MAPK8IP2: variants seen among roughly 807,000 people sequenced by gnomAD.
MAPK8IP2 encodes C-Jun-amino-terminal kinase-interacting protein 2.
A neutral mutation model predicts 75.6 loss-of-function variants in MAPK8IP2; 15 were observed. The ratio of observed to expected loss-of-function variants is 0.20; its 90% CI spans 0.13 to 0.31. The LOEUF (loss-of-function observed/expected upper bound fraction) is 0.31. Among genes scored for constraint, MAPK8IP2 ranks in the 10% least tolerant of loss-of-function variants. The pLI is 1.00. For synonymous variants in MAPK8IP2, 632 were observed against 554.5 expected (o/e 1.14, Z -1.96); for missense variants, 1,089 against 1,211.2 (o/e 0.90, Z 1.50).
chr22:50,605,972 C>T (rs781666812), intron 8 of MAPK8IP2, 38 bp downstream of exon 8: 95 of 1,483,470 alleles, frequency 6.4e-5, no homozygotes, highest in South Asian at 6.0e-4. Flanking sequence ...GCTGAGGGTC[C>T]GCTTGGCGGC....
At chr22:50,606,307 C>T (rs1196420823) in intron 8 of MAPK8IP2, among the ~76,000 whole-genome samples, 2 of 127,812 alleles carry the variant, frequency 1.6e-5, no homozygotes, top group African/African-American at 5.5e-5. Flanking sequence ...TAGTGAGCAC[C>T]TGCCCAGGCA....
chr22:50,604,298 G>C lies in MAPK8IP2; in HGVS notation c.999G>C (p.Ser333=). The C allele has an allele frequency of 1.3e-6, 2 of 1,556,826 alleles. No individual in the cohort carries two copies. The highest frequency in any genetic ancestry group is 1.2e-5 in the South Asian group (1 of 85,772). ...GPDDTNSEYE[S]GSESEPDLSE... is the part of the protein sequence containing the mutation. ...ACGACACCAACAGCGAGTACGAGTC[G>C]GGGTCGGAGTCGGAGCCGGACCTCA... The change falls in exon 5 of 12, where the codon TCG becomes TCC. Residue 333 remains serine, a synonymous_variant. Coordinates refer to ENST00000329492, the MANE Select transcript of MAPK8IP2 (RefSeq NM_012324.6).
At position 50,603,456 on chromosome 22, in the gene MAPK8IP2, G is replaced by T. The variant is rs2070975486; in HGVS notation, c.405G>T (p.Lys135Asn). 1.3e-6 allele frequency: 2 copies of T among 1,568,298 alleles called. No individual in the cohort carries two copies. The highest frequency in any genetic ancestry group is 1.8e-5 in the Admixed American group (1 of 56,972). Reference protein sequence around the residue: ...IPSPSVEEPHKHRPTTLRLTT... With the variant: ...IPSPSVEEPHNHRPTTLRLTT... ...CCCCTTCCGTGGAGGAGCCCCACAAGCACCGGCCCACCACCCTCCGTCTGA... is the reference window on the plus strand; with the variant it reads ...CCCCTTCCGTGGAGGAGCCCCACAATCACCGGCCCACCACCCTCCGTCTGA... Residue 135 changes from lysine to asparagine, a missense_variant, in exon 3 of 12, where the codon AAG (lysine) becomes AAT (asparagine). This residue lies in a region of MAPK8IP2 where 960 missense variants were observed against 1,009.6 expected (regional missense o/e 0.95). Transcript: ENST00000329492.
In MAPK8IP2 at chr22:50,613,027, G is replaced by C. The variant is rs1400479514; in HGVS notation, c.*2248G>C. 1.3e-5 allele frequency: 2 copies of C among 152,528 alleles called. No individual in the cohort carries two copies. 9.4% of individuals were successfully genotyped at this position (152,528 alleles called of 1,614,324 possible). On this transcript the variant is annotated 3_prime_UTR_variant, in exon 12 of 12. Coordinates refer to ENST00000329492, the MANE Select transcript of MAPK8IP2 (RefSeq NM_012324.6). ...TCTGCAGCTCCTTCTCCAATCTCAT[G>C]GTCTTCTTGAGCTTGGCCGCCCTCC... is the stretch of plus-strand genomic sequence containing the variant.
rs2071187655 is a variant in MAPK8IP2 at position 50,613,940 on chromosome 22, C to T, written c.*3161C>T. ...GCCTCCAACTTCCGCCAATCTAGCC[C>T]AAGGATGGCGTTCTAAATAAAACGC... On this transcript the variant is annotated 3_prime_UTR_variant, in exon 12 of 12. Transcript: ENST00000329492. The T allele has an allele frequency of 6.6e-6, 1 of 152,242 alleles. No homozygotes were observed. Among genetic ancestry groups the T allele is most frequent in the African/African-American group, 2.4e-5 (1 of 41,464 alleles). The allele number at this position is 152,242 out of a possible 1,614,324, so 9.4% of individuals were successfully genotyped here.
chr22:50,603,052 A>G (rs563837413), intron 2 of MAPK8IP2, 171 bp from the exon 3 acceptor site: 14 of 1,409,840 alleles, frequency 9.9e-6, no homozygotes, highest in African/African-American at 1.4e-5. Context: ...GAGTGATCCC[A>G]ATGTGTGTTA....
rs1234537458 is a variant in MAPK8IP2, at chr22:50,611,706, T to G, written c.*927T>G. On this transcript the variant is annotated 3_prime_UTR_variant, in exon 12 of 12. Transcript: ENST00000329492. This position sits in a 1 kb window ranked among gnomAD's most constrained non-coding sequence, Gnocchi z 5.5. ...GCCGGGGGTCCCTGCGGTGCTGCTC[T>G]GGGGCCTTATCTGAGGTGCCGTATC... 2.6e-5 allele frequency: 4 copies of G among 152,252 alleles called. No homozygotes were observed. Among genetic ancestry groups the G allele is most frequent in the Non-Finnish European group, 5.9e-5 (4 of 68,104 alleles). 9.4% of individuals were successfully genotyped at this position (152,252 alleles called of 1,614,324 possible).
intron 5 of MAPK8IP2, 38 bp from the exon 6 acceptor site, chr22:50,605,330 C>T: frequency 6.3e-7 from 1 of 1,591,310 alleles, no homozygotes; most frequent in Non-Finnish European, 8.6e-7. Context: ...GACTCTGTCT[C>T]CCTGTCTCCC....
At chr22:50,606,159 C>G (rs1319078757) in intron 8 of MAPK8IP2, among the ~76,000 whole-genome samples, 2 of 152,224 alleles carry the variant, frequency 1.3e-5, no homozygotes, top group African/African-American at 4.8e-5. Context: ...CCCTCATCAC[C>G]TCTGGGTCTC....
chr22:50,602,198 G>A (rs1048976832), intron 2 of MAPK8IP2, among the ~76,000 whole-genome samples: 9 of 152,210 alleles, frequency 5.9e-5, no homozygotes, highest in Admixed American at 1.3e-4. Flanking sequence ...CTCCCAGAAA[G>A]ATCTAATCCC....
At chr22:50,608,047 C>T (rs952541567) in intron 10 of MAPK8IP2, among the ~76,000 whole-genome samples, 2 of 152,084 alleles carry the variant, frequency 1.3e-5, no homozygotes, top group African/African-American at 4.8e-5. Flanking sequence ...GAAGCAGGCT[C>T]ACAGACAGGC....
At chr22:50,606,798 G>C in intron 9 of MAPK8IP2, 33 bp downstream of exon 9, 1 of 1,583,208 alleles carries the variant, frequency 6.3e-7, no homozygotes, top group Non-Finnish European at 8.6e-7. Context: ...ACCGGGGACT[G>C]GGGGATAGGG....
chr22:50,603,325 G>A lies in MAPK8IP2; in HGVS notation c.274G>A (p.Asp92Asn), dbSNP rs778567253. 1.4e-5 allele frequency: 22 copies of A among 1,560,414 alleles called. No individual in the cohort carries two copies. The Admixed American group carries it at 1.5e-4, about 11-fold the overall frequency. The change falls in exon 3 of 12, where the codon GAT becomes AAT. Residue 92 changes from aspartate to asparagine, a missense_variant. By Grantham distance (23) the Asp-to-Asn change is conservative (BLOSUM62 1). Around this residue, in one of 2 missense-constraint regions of MAPK8IP2, gnomAD observed 960 missense variants for 1,009.6 expected, o/e 0.95. Transcript: ENST00000329492. ...EMIDDNEEED[D>N]EDEEEEEEEE... is the part of the protein sequence containing the mutation. Reference sequence around the variant, plus strand: ...GATCGATGACAATGAAGAGGAGGACGATGAGGACGAGGAAGAGGAGGAGGA... The same window carrying A: ...GATCGATGACAATGAAGAGGAGGACAATGAGGACGAGGAAGAGGAGGAGGA...
chr22:50,610,613 G>A lies in MAPK8IP2; in HGVS notation c.2403-94G>A, dbSNP rs1400939855. 5.0e-6 allele frequency: 5 copies of A among 1,004,808 alleles called. No homozygotes were observed. In the Middle Eastern group the frequency reaches 6.8e-4, roughly 136 times the overall value. 62.2% of individuals were successfully genotyped at this position (1,004,808 alleles called of 1,614,324 possible). ...TGGGGGGTTATGGATGGCTGCAGAG[G>A]GAGGAAGGAGGGAGAGCTCAGAGGC... On this transcript the variant is annotated intron_variant, in intron 11 of 11. Coordinates refer to ENST00000329492, the MANE Select transcript of MAPK8IP2 (RefSeq NM_012324.6). The surrounding 1 kb of genome is among the most constrained non-coding windows in gnomAD (Gnocchi z 4.3).
rs1461162494 is a variant in MAPK8IP2, at chr22:50,604,177, T to G, written c.878T>G (p.Leu293Arg). The change falls in exon 5 of 12, where the codon CTC becomes CGC. Residue 293 changes from leucine to arginine, a missense_variant. Physicochemically the swap from Leu to Arg is moderately radical, Grantham distance 102 (BLOSUM62 -2). Coordinates refer to ENST00000329492, the MANE Select transcript of MAPK8IP2 (RefSeq NM_012324.6). Reference protein sequence around the residue: ...GSSSSGRSSHLTNSIEEASSP... With the variant: ...GSSSSGRSSHRTNSIEEASSP... ...AGCAGCAGCGGCCGCTCCTCGCACC[T>G]CACCAACTCCATCGAGGAGGCCTCG... 1 of 1,548,574 alleles carries G rather than the reference T, an allele frequency of 6.5e-7. No individual in the cohort carries two copies. The highest frequency in any genetic ancestry group is 8.7e-7 in the Non-Finnish European group (1 of 1,155,512).
chr22:50,605,076 G>A lies in MAPK8IP2; in HGVS notation c.1765+12G>A, dbSNP rs2071024970. 1.2e-6 allele frequency: 2 copies of A among 1,612,294 alleles called. No homozygotes were observed. The highest frequency in any genetic ancestry group is 1.7e-6 in the Non-Finnish European group (2 of 1,179,782). On this transcript the variant is annotated intron_variant, in intron 5 of 11. Coordinates refer to ENST00000329492, the MANE Select transcript of MAPK8IP2 (RefSeq NM_012324.6). ...ATCTCGGTCCTCCAGTGAGTGAGAG[G>A]TGGGGAAAAGGGGGGTGGCCCAGAG...
In MAPK8IP2 at chr22:50,605,362, T is replaced by G. The variant is rs771781330; in HGVS notation, c.1766-6T>G. The stretch of plus-strand genomic sequence containing the variant: ...TCCCCCGCCTCTGTCCTGCCGGGTC[T>G]CCCAGGCACCGAGTCCTTTGGCCTT... On this transcript the variant is annotated splice_polypyrimidine_tract_variant and splice_region_variant and intron_variant, in intron 5 of 11. Coordinates refer to ENST00000329492, the MANE Select transcript of MAPK8IP2 (RefSeq NM_012324.6). 1 of 1,612,596 alleles carries G rather than the reference T, an allele frequency of 6.2e-7. No individual in the cohort carries two copies. Among genetic ancestry groups the G allele is most frequent in the South Asian group, 1.1e-5 (1 of 91,064 alleles).
intron 8 of MAPK8IP2, 56 bp downstream of exon 8, chr22:50,605,990 G>A: frequency 7.4e-7 from 1 of 1,359,302 alleles, no homozygotes; most frequent in Non-Finnish European, 1.0e-6. Flanking sequence ...GGCCACACCA[G>A]CACTGCAGGC....
At chr22:50,605,238 C>T in intron 5 of MAPK8IP2, 130 bp from the exon 6 acceptor site, 8 of 1,124,606 alleles carry the variant, frequency 7.1e-6, no homozygotes, top group Non-Finnish European at 1.0e-5. Context: ...TGCCTCAGCT[C>T]CTTCCCGCTC....
Sources: allele counts gnomAD v4.1 joint callset (sites outside exome capture counted in the v4.1 genomes callset), GRCh38; gene constraint gnomAD v4.1.1; regional missense constraint gnomAD v4.1.1; non-coding constraint Gnocchi (gnomAD v3.1); transcripts MANE v1.5; gene names NCBI Gene and HGNC (gene_info 2026-07-23, HGNC 2026-07-21).